SHLD1: variants seen among roughly 807,000 people sequenced by gnomAD.
SHLD1 encodes RINN1-REV7-interacting novel NHEJ regulator 3.
A neutral mutation model predicts 5.5 loss-of-function variants in SHLD1; 3 were observed. The ratio of observed to expected loss-of-function variants is 0.54; its 90% confidence interval spans 0.25 to 1.40. SHLD1 has a LOEUF of 1.40. Ranked by LOEUF, SHLD1 falls within the 40% of genes most tolerant of loss-of-function variation. SHLD1 has a pLI of 0.15. For missense variants in SHLD1, 210 were observed against 244.4 expected, an observed-to-expected ratio of 0.86 and a Z score of 0.94; for synonymous variants, 92 against 94.3, an observed-to-expected ratio of 0.98 and a Z score of 0.14.
intron 2 of SHLD1, among the ~76,000 whole-genome samples, chr20:5,802,476 G>T (rs2087307892): frequency 1.3e-5 from 2 of 152,084 alleles, no homozygotes; most frequent in African/African-American, 4.8e-5. Flanking sequence ...ACATCATAAG[G>T]TACTAGGGTT....
At chr20:5,791,460 GA>G (rs1466734842) in intron 2 of SHLD1, among the ~76,000 whole-genome samples, 1 of 149,514 alleles carries the variant, frequency 6.7e-6, no homozygotes, top group Non-Finnish European at 1.5e-5. Context: ...GCTACTTCGG[GA>G]ACTGAGCTGG....
intron 2 of SHLD1, among the ~76,000 whole-genome samples, chr20:5,801,521 G>C (rs1007797750): frequency 6.6e-6 from 1 of 152,178 alleles, no homozygotes; most frequent in African/African-American, 2.4e-5. Flanking sequence ...GACTACTTAC[G>C]TGGCCCCAGG....
rs1157557636 is a variant in SHLD1, at chr20:5,827,330, C to T, written c.179-35694C>T. Among the ~76,000 whole-genome samples the T allele has an allele frequency of 3.9e-5, 6 of 152,230 alleles. No individual in the cohort carries two copies. In the South Asian group the frequency reaches 1.0e-3, roughly 26 times the overall value. ...CCTTCCACCTCCTGCCAGGCCTCCT[C>T]TTGGCTCCCAACCCGAAGCTGGAGG... On this transcript the variant is annotated intron_variant, in intron 2 of 2. Coordinates refer to ENST00000303142, the MANE Select transcript of SHLD1 (RefSeq NM_152504.4).
intron 2 of SHLD1, among the ~76,000 whole-genome samples, chr20:5,788,436 T>C (rs2087092171): frequency 6.6e-6 from 1 of 152,238 alleles, no homozygotes; most frequent in African/African-American, 2.4e-5. Context: ...GTTAAAATAA[T>C]ATTGCATGTT....
rs984789856 is a variant in SHLD1, at chr20:5,817,444, G to C, written c.178+44401G>C. ...TCTCTCTCTCTCTCTGTGTGTGTGTGTGTGTGTGTGTGTGTGTGTGTGTGT... is the reference window on the plus strand; with the variant it reads ...TCTCTCTCTCTCTCTGTGTGTGTGTCTGTGTGTGTGTGTGTGTGTGTGTGT... On this transcript the variant is annotated intron_variant, in intron 2 of 2. Coordinates refer to ENST00000303142, the MANE Select transcript of SHLD1 (RefSeq NM_152504.4). Among the ~76,000 whole-genome samples, 935 of 127,168 alleles carry C rather than the reference G, an allele frequency of 7.4e-3. 4 individuals carry two copies. The highest frequency in any genetic ancestry group is 0.027 in the Middle Eastern group (6 of 222). The allele number at this position is 127,168 out of a possible 152,430, so 83.4% of individuals were successfully genotyped here.
At position 5,855,953 on chromosome 20, in the gene SHLD1, T is replaced by C. The variant is rs191502869; in HGVS notation, c.179-7071T>C. 2.5e-3 allele frequency among the ~76,000 whole-genome samples: 384 copies of C among 152,348 alleles called. 4 individuals carry two copies. Among genetic ancestry groups the C allele is most frequent in the South Asian group, 0.018 (85 of 4,824 alleles). ...TCACTGCTGATTTCCCCATACTCTT[T>C]TTCCTCTGCTATAGTCACTAGGCAA... is the stretch of plus-strand genomic sequence containing the variant. On this transcript the variant is annotated intron_variant, in intron 2 of 2. Coordinates refer to ENST00000303142, the MANE Select transcript of SHLD1 (RefSeq NM_152504.4). The surrounding 1 kb of genome is among the most constrained non-coding windows in gnomAD (Gnocchi z 4.4).
At chr20:5,820,545 T>C (rs1228805688) in intron 2 of SHLD1, among the ~76,000 whole-genome samples, 1 of 152,178 alleles carries the variant, frequency 6.6e-6, no homozygotes. Context: ...GCCTCCAAGA[T>C]GTTCAGATTA....
At chr20:5,820,306 G>A (rs2087592156) in intron 2 of SHLD1, among the ~76,000 whole-genome samples, 1 of 152,208 alleles carries the variant, frequency 6.6e-6, no homozygotes, top group Admixed American at 6.5e-5. Flanking sequence ...ATGGTTCCCT[G>A]CACCATGCTA....
At chr20:5,829,814 A>G (rs1600161878) in intron 2 of SHLD1, among the ~76,000 whole-genome samples, 1 of 152,210 alleles carries the variant, frequency 6.6e-6, no homozygotes, top group African/African-American at 2.4e-5. Flanking sequence ...TGTCCTTTAT[A>G]ATAGAATTTG....
chr20:5,827,191 C>T (rs995276814), intron 2 of SHLD1, among the ~76,000 whole-genome samples: 2 of 152,166 alleles, frequency 1.3e-5, no homozygotes, highest in Non-Finnish European at 2.9e-5. Context: ...AGCGTGTGCT[C>T]GCAGCAGCTG....
chr20:5,837,276 T>C (rs928249001), intron 2 of SHLD1, among the ~76,000 whole-genome samples: 1 of 152,208 alleles, frequency 6.6e-6, no homozygotes, highest in Admixed American at 6.5e-5. Flanking sequence ...CTGCAATAAT[T>C]TTTGACTCTC....
In SHLD1 at chr20:5,803,335, T is replaced by TA. The variant is rs749113833; in HGVS notation, c.178+30299dup. Among the ~76,000 whole-genome samples the TA allele has an allele frequency of 1.4e-4, 21 of 152,048 alleles. 2 individuals carry two copies. The highest frequency in any genetic ancestry group is 7.9e-4 in the Admixed American group (12 of 15,262). ...GTACCACCATGCCTGGCTAATTTTT[T>TA]AAAAAAATTCTTTTGTAGAGACAAG... is the stretch of plus-strand genomic sequence containing the variant. On this transcript the variant is annotated intron_variant, in intron 2 of 2. Transcript: ENST00000303142.
intron 2 of SHLD1, among the ~76,000 whole-genome samples, chr20:5,803,178 T>G (rs2122345304): frequency 6.6e-6 from 1 of 152,310 alleles, no homozygotes; most frequent in African/African-American, 2.4e-5. Flanking sequence ...CTTTTTCATT[T>G]TCTTTGAGAC....
At chr20:5,848,189 TG>T (rs1381280859) in intron 2 of SHLD1, among the ~76,000 whole-genome samples, 8 of 152,202 alleles carry the variant, frequency 5.3e-5, no homozygotes, top group Non-Finnish European at 1.2e-4. Flanking sequence ...GCAACACTCT[TG>T]CATATGGATA....
chr20:5,763,929 T>C (rs1420509705), intron 1 of SHLD1, among the ~76,000 whole-genome samples: 3 of 116,214 alleles, frequency 2.6e-5, no homozygotes, highest in Non-Finnish European at 5.0e-5. Context: ...GTCAGCATGG[T>C]GAAACCCCGT....
chr20:5,857,382 G>A (rs1228313417), intron 2 of SHLD1, among the ~76,000 whole-genome samples: 1 of 152,186 alleles, frequency 6.6e-6, no homozygotes, highest in African/African-American at 2.4e-5. Flanking sequence ...AGGAAGCGGG[G>A]CCTGGGAACT....
At chr20:5,779,484 C>T (rs550406496) in intron 2 of SHLD1, among the ~76,000 whole-genome samples, 46 of 152,230 alleles carry the variant, frequency 3.0e-4, no homozygotes, top group South Asian at 1.9e-3. Context: ...AGGCTCTTGC[C>T]GACATTTTAA....
At chr20:5,823,116 G>A (rs931419666) in intron 2 of SHLD1, among the ~76,000 whole-genome samples, 2 of 151,446 alleles carry the variant, frequency 1.3e-5, no homozygotes, top group Non-Finnish European at 2.9e-5. Flanking sequence ...AAGCAGCAGC[G>A]TTTTACACTG....
chr20:5,777,815 A>G (rs1417307705), intron 2 of SHLD1, among the ~76,000 whole-genome samples: 1 of 152,156 alleles, frequency 6.6e-6, no homozygotes, highest in East Asian at 1.9e-4. Flanking sequence ...TGAGACAAGG[A>G]ACTGCTGCAA....
Sources: allele counts gnomAD v4.1 joint callset (sites outside exome capture counted in the v4.1 genomes callset), GRCh38; gene constraint gnomAD v4.1.1; non-coding constraint Gnocchi (gnomAD v3.1); transcripts MANE v1.5; gene names NCBI Gene and HGNC (gene_info 2026-07-23, HGNC 2026-07-21).